FOXN3: variants seen among roughly 807,000 people sequenced by gnomAD.
FOXN3 encodes the protein forkhead box N3, also known as forkhead box protein N3.
In FOXN3, 7 loss-of-function variants were observed where a neutral mutation model predicts 38.4. That is an observed-to-expected ratio of 0.18 (90% confidence interval 0.10 to 0.34). FOXN3 has a LOEUF of 0.34. Among genes scored for constraint, FOXN3 ranks in the 10% least tolerant of loss-of-function variants. The probability of loss-of-function intolerance (pLI) is 1.00; values close to 1 mark genes in which losing one functional copy is unlikely to be tolerated. For synonymous variants in FOXN3, 230 were observed against 242.2 expected, an observed-to-expected ratio of 0.95 and a Z score of 0.47; for missense variants, 456 against 613.4, an observed-to-expected ratio of 0.74 and a Z score of 2.71.
intron 2 of FOXN3, among the ~76,000 whole-genome samples, chr14:89,379,366 T>C (rs1408035087): frequency 1.3e-5 from 2 of 152,170 alleles, no homozygotes; most frequent in East Asian, 1.9e-4. Flanking sequence ...CTCAGCCCTA[T>C]TGGTATTTGC....
intron 3 of FOXN3, among the ~76,000 whole-genome samples, chr14:89,329,692 C>A (rs1249629658): frequency 6.6e-6 from 1 of 151,950 alleles, no homozygotes; most frequent in Non-Finnish European, 1.5e-5. Flanking sequence ...CCTGTCTCTA[C>A]TAAAAATACA....
intron 1 of FOXN3, among the ~76,000 whole-genome samples, chr14:89,434,302 A>T (rs1892229859): frequency 7.5e-6 from 1 of 134,142 alleles, no homozygotes; most frequent in Non-Finnish European, 1.6e-5. Flanking sequence ...CACTCAGCTC[A>T]CTGCAACCTC....
intron 1 of FOXN3, among the ~76,000 whole-genome samples, chr14:89,434,829 AT>A (rs1162044241): frequency 6.6e-6 from 1 of 152,110 alleles, no homozygotes; most frequent in Non-Finnish European, 1.5e-5. Flanking sequence ...ACAAGAAACC[AT>A]TTTCAAACTA....
chr14:89,428,402 TTG>T (rs751535478), intron 1 of FOXN3, among the ~76,000 whole-genome samples: 1 of 152,148 alleles, frequency 6.6e-6, no homozygotes, highest in African/African-American at 2.4e-5. Flanking sequence ...TGTCCAGAAA[TTG>T]TGAGACGTGA....
At chr14:89,387,967 G>A (rs1890837826) in intron 2 of FOXN3, among the ~76,000 whole-genome samples, 1 of 152,230 alleles carries the variant, frequency 6.6e-6, no homozygotes, top group Non-Finnish European at 1.5e-5. Flanking sequence ...TGGATCACCT[G>A]CGGTCACAAG....
At chr14:89,563,429 GA>G (rs1346558630) in intron 1 of FOXN3, among the ~76,000 whole-genome samples, 1 of 152,208 alleles carries the variant, frequency 6.6e-6, no homozygotes, top group East Asian at 1.9e-4. Context: ...CATGATGGAA[GA>G]CAGGTCTTGT....
At chr14:89,231,481 G>C (rs1884805966) in intron 4 of FOXN3, among the ~76,000 whole-genome samples, 1 of 152,130 alleles carries the variant, frequency 6.6e-6, no homozygotes, top group Non-Finnish European at 1.5e-5. Context: ...GGGTGGCTGA[G>C]ACTGAAAAAG....
intron 2 of FOXN3, among the ~76,000 whole-genome samples, chr14:89,373,323 C>CAAG (rs34862963): frequency 0.99 from 151,407 of 152,232 alleles, 75,302 homozygotes; most frequent in Middle Eastern, 1. Flanking sequence ...CACAGCTTTC[C>CAAG]AAGACCTGAG....
intron 4 of FOXN3, among the ~76,000 whole-genome samples, chr14:89,233,935 GA>G (rs767699380): frequency 1.4e-4 from 21 of 152,224 alleles, no homozygotes; most frequent in Non-Finnish European, 2.8e-4. Flanking sequence ...GGTAGTCCCT[GA>G]AGGAATCAGA....
At chr14:89,360,740 C>CACTACCTCCAGCACCACCACCACCACT (rs1237809125) in intron 2 of FOXN3, among the ~76,000 whole-genome samples, 1 of 119,566 alleles carries the variant, frequency 8.4e-6, no homozygotes, top group Admixed American at 7.9e-5. Flanking sequence ...CCACCTCCAG[C>CACTACCTCCAGCACCACCACCACCACT]ACCACCTCCA....
chr14:89,217,642 G>A (rs781253781), intron 4 of FOXN3, among the ~76,000 whole-genome samples: 7 of 152,224 alleles, frequency 4.6e-5, no homozygotes, highest in Non-Finnish European at 7.3e-5. Context: ...CTAGTTCATA[G>A]GGAGGTGGTG....
At chr14:89,332,245 GACTC>G (rs766012310) in intron 3 of FOXN3, among the ~76,000 whole-genome samples, 3 of 152,156 alleles carry the variant, frequency 2.0e-5, no homozygotes, top group Non-Finnish European at 4.4e-5. Flanking sequence ...AGTTAACTAT[GACTC>G]ACTAAGTCAA....
intron 1 of FOXN3, among the ~76,000 whole-genome samples, chr14:89,592,268 T>G (rs966202851): frequency 3.3e-5 from 5 of 152,152 alleles, no homozygotes; most frequent in African/African-American, 9.7e-5. Flanking sequence ...TATTGAGAGA[T>G]AATTTTTTGG....
At chr14:89,310,073 C>T (rs562273127) in intron 3 of FOXN3, among the ~76,000 whole-genome samples, 5 of 152,328 alleles carry the variant, frequency 3.3e-5, no homozygotes, top group South Asian at 2.1e-4. Flanking sequence ...CCTCCAGCAA[C>T]GGCTCTCTAA....
chr14:89,431,904 G>T (rs541081266), intron 1 of FOXN3, among the ~76,000 whole-genome samples: 1 of 151,192 alleles, frequency 6.6e-6, no homozygotes, highest in Non-Finnish European at 1.5e-5. Flanking sequence ...TAGTACAGAC[G>T]GGGTTTCACC....
chr14:89,256,260 T>C (rs190906967), intron 4 of FOXN3, among the ~76,000 whole-genome samples: 2 of 152,234 alleles, frequency 1.3e-5, no homozygotes, highest in East Asian at 3.9e-4. Flanking sequence ...AACTCTCTCA[T>C]ATGAAAATCA....
At chr14:89,406,391 G>T (rs554791079) in intron 2 of FOXN3, among the ~76,000 whole-genome samples, 20 of 130,632 alleles carry the variant, frequency 1.5e-4, no homozygotes, top group Non-Finnish European at 3.4e-4. Flanking sequence ...GTGTACTCCA[G>T]CCTGTGTGAC....
At chr14:89,313,260 T>C (rs959074854) in intron 3 of FOXN3, among the ~76,000 whole-genome samples, 4 of 152,172 alleles carry the variant, frequency 2.6e-5, no homozygotes, top group African/African-American at 9.7e-5. Flanking sequence ...AAGAGTACTG[T>C]GTATCCATAT....
chr14:89,280,951 T>C lies in FOXN3; in HGVS notation c.744A>G (p.Gln248=). The change falls in exon 4 of 6, where the codon CAA becomes CAG. Residue 248 remains glutamine (Q), a splice_region_variant and synonymous_variant. Coordinates refer to ENST00000557258, the MANE Select transcript of FOXN3 (RefSeq NM_005197.4). ...TFFKRNGALL[Q]VPPGVIQNGA... The stretch of plus-strand genomic sequence containing the variant: ...GAAGGGGTGTTACTAGGGACCTACC[T>C]TGGAGAAGGGCTCCATTTCTCTTGA... 6.2e-7 allele frequency: 1 copy of C among 1,613,540 alleles called. No individual in the cohort carries two copies. The highest frequency in any genetic ancestry group is 8.5e-7 in the Non-Finnish European group (1 of 1,179,730).
Sources: gnomAD v4.1 joint callset for allele counts (sites outside exome capture counted in the v4.1 genomes callset) on GRCh38, gnomAD v4.1.1 for gene constraint, MANE v1.5 for transcripts, NCBI Gene and HGNC (gene_info 2026-07-23, HGNC 2026-07-21) for gene names.